The following ATP6V1C1 variants were observed in gnomAD, a reference collection of about 807,000 sequenced individuals.
ATP6V1C1 encodes the protein V-type proton ATPase subunit C 1.
ATP6V1C1 carries 45 observed loss-of-function variants against 53.9 expected under a neutral mutation model. The ratio of observed to expected loss-of-function variants is 0.83; its 90% CI spans 0.66 to 1.07. The LOEUF (loss-of-function observed/expected upper bound fraction) is 1.07, where lower values mean the gene tolerates loss of function less well. ATP6V1C1 is among the 50% of genes least tolerant of loss of function. ATP6V1C1 has a pLI of 0.00. For missense variants in ATP6V1C1, 315 were observed against 440.3 expected, an observed-to-expected ratio of 0.72 and a Z score of 2.55; for synonymous variants, 153 against 155.2, an observed-to-expected ratio of 0.99 and a Z score of 0.11.
chr8:103,021,727 G>C (rs572669014), intron 1 of ATP6V1C1, among the ~76,000 whole-genome samples: 96 of 152,210 alleles, frequency 6.3e-4, no homozygotes, highest in African/African-American at 2.2e-3. Flanking sequence ...GAGTACACAA[G>C]GTCCCTCTAG....
intron 6 of ATP6V1C1, among the ~76,000 whole-genome samples, chr8:103,053,386 C>G (rs796827146): frequency 3.9e-4 from 60 of 151,964 alleles, no homozygotes; most frequent in African/African-American, 1.4e-3. Flanking sequence ...GTGATACAAA[C>G]AGGGCAAGAC....
Position 103,064,714 on chromosome 8 carries a change from G to T in ATP6V1C1, c.829G>T (p.Gly277Ter). 6.2e-7 allele frequency: 1 copy of T among 1,605,314 alleles called. No individual in the cohort carries two copies. The highest frequency in any genetic ancestry group is 2.2e-5 in the East Asian group (1 of 44,664). ...RLSTDKKKQF[G>*]PLVRWLKVNF... ...GTGGTAATTTTTTTTCTTTTTATAG[G>T]GACCACTTGTACGGTGGCTGAAAGT... Residue 277 changes from glycine (G) to a stop codon, truncating the protein, a stop_gained and splice_region_variant, in exon 11 of 13, where the codon GGA (glycine) becomes TGA (stop). Transcript: ENST00000518738. LOFTEE classifies it high-confidence loss of function.
intron 8 of ATP6V1C1, among the ~76,000 whole-genome samples, chr8:103,062,164 T>TTG (rs1817411350): frequency 1.0e-5 from 1 of 99,324 alleles, no homozygotes; most frequent in African/African-American, 3.7e-5. Context: ...CATCAGGGTT[T>TTG]TTTTTTTTTT....
rs139836732 is a variant in ATP6V1C1, at chr8:103,030,218, A to G, written c.-40+8993A>G. Among the ~76,000 whole-genome samples the G allele has an allele frequency of 2.7e-4, 41 of 151,610 alleles. 1 individual carries two copies. In the East Asian group the frequency reaches 7.6e-3, roughly 28 times the overall value. On this transcript the variant is annotated intron_variant, in intron 1 of 12. Transcript: ENST00000518738. ...AAGCAATACATGTTCATTGTGTTCC[A>G]TTTTTCACAAACACAGTAGTACTCC...
chr8:103,041,099 A>G, intron 2 of ATP6V1C1, 131 bp downstream of exon 2: 1 of 1,063,768 alleles, frequency 9.4e-7, no homozygotes, highest in Non-Finnish European at 1.3e-6. Context: ...GGCATGATTT[A>G]AAATGTGTCT....
intron 3 of ATP6V1C1, among the ~76,000 whole-genome samples, chr8:103,047,430 GCACACACA>G (rs546475923): frequency 1.7e-4 from 18 of 104,940 alleles, no homozygotes; most frequent in Admixed American, 4.5e-4. Context: ...AAATGCGCGC[GCACACACA>G]CACACACACA....
intron 6 of ATP6V1C1, among the ~76,000 whole-genome samples, chr8:103,053,254 A>T (rs1817231438): frequency 6.6e-6 from 1 of 151,952 alleles, no homozygotes; most frequent in Non-Finnish European, 1.5e-5. Context: ...GTTTTTTAAA[A>T]TAGGACTGAA....
chr8:103,026,862 G>C (rs145393638), intron 1 of ATP6V1C1, among the ~76,000 whole-genome samples: 2 of 152,224 alleles, frequency 1.3e-5, no homozygotes, highest in East Asian at 3.9e-4. Flanking sequence ...ATCTCATTTC[G>C]TATGAATCAT....
At chr8:103,024,740 C>T (rs1427807798) in intron 1 of ATP6V1C1, among the ~76,000 whole-genome samples, 1 of 152,180 alleles carries the variant, frequency 6.6e-6, no homozygotes, top group Non-Finnish European at 1.5e-5. Context: ...AGGCAGTGAA[C>T]CAAGGCAGTC....
intron 3 of ATP6V1C1, among the ~76,000 whole-genome samples, chr8:103,042,886 T>A (rs1382791055): frequency 6.6e-6 from 1 of 152,256 alleles, no homozygotes; most frequent in Admixed American, 6.5e-5. Flanking sequence ...TTGCTTAGCA[T>A]AATGTTTTGA....
At chr8:103,058,641 T>C (rs556254471) in intron 8 of ATP6V1C1, among the ~76,000 whole-genome samples, 1 of 152,352 alleles carries the variant, frequency 6.6e-6, no homozygotes, top group Non-Finnish European at 1.5e-5. Flanking sequence ...GAGTGATTAT[T>C]GTTGGGAGCA....
rs914253672 is a variant in ATP6V1C1, at chr8:103,072,470, A to G, written c.*3723A>G. ...GTGATTATCTTCTTCTGTTAATGTCAATAAAAGATGGTTTGTCCTAGAAGG... is the reference window on the plus strand; with the variant it reads ...GTGATTATCTTCTTCTGTTAATGTCGATAAAAGATGGTTTGTCCTAGAAGG... On this transcript the variant is annotated 3_prime_UTR_variant, in exon 13 of 13. Transcript: ENST00000518738. 2.0e-5 allele frequency: 3 copies of G among 152,258 alleles called. No individual in the cohort carries two copies. The highest frequency in any genetic ancestry group is 7.2e-5 in the African/African-American group (3 of 41,470). The allele number at this position is 152,258 out of a possible 1,614,324, so 9.4% of individuals were successfully genotyped here. A position where few individuals can be genotyped will look rare whatever the true frequency, so the allele number is the denominator to read the frequency against.
rs1817149840 is a variant in ATP6V1C1 at position 103,048,834 on chromosome 8, T to A, written c.201-36T>A. 3 of 1,559,954 alleles carry A rather than the reference T, an allele frequency of 1.9e-6. No individual in the cohort carries two copies. The African/African-American group carries it at 4.1e-5, about 21-fold the overall frequency. The stretch of plus-strand genomic sequence containing the variant: ...GTATAGAATGGAATTTAGATCTTTT[T>A]CCTGAGAATGGTTGTTGATATTTTT... On this transcript the variant is annotated intron_variant, in intron 3 of 12. Transcript: ENST00000518738.
Position 103,068,777 on chromosome 8 carries a change from C to T in ATP6V1C1, c.*30C>T, listed in dbSNP as rs533505965. 2 of 1,569,996 alleles carry T rather than the reference C, an allele frequency of 1.3e-6. No individual in the cohort carries two copies. The highest frequency in any genetic ancestry group is 1.7e-5 in the Admixed American group (1 of 58,142). On this transcript the variant is annotated 3_prime_UTR_variant, in exon 13 of 13. Transcript: ENST00000518738. ...GGGCTCCTCCCCCGACAATCCTGTC[C>T]TTGTGTTTGTGTGTGCTAACAGAAA... is the stretch of plus-strand genomic sequence containing the variant.
intron 4 of ATP6V1C1, among the ~76,000 whole-genome samples, 187 bp downstream of exon 4, chr8:103,049,142 A>G (rs1323392118): frequency 3.3e-5 from 5 of 152,226 alleles, no homozygotes; most frequent in Non-Finnish European, 7.4e-5. Context: ...CTGAAACATA[A>G]TCTCATAGAA....
At chr8:103,035,107 G>C (rs1816868635) in intron 1 of ATP6V1C1, among the ~76,000 whole-genome samples, 1 of 152,144 alleles carries the variant, frequency 6.6e-6, no homozygotes, top group Non-Finnish European at 1.5e-5. Flanking sequence ...CTGAAGTACA[G>C]ATAGGTTCTT....
At chr8:103,054,981 G>GA (rs1219065271) in intron 7 of ATP6V1C1, among the ~76,000 whole-genome samples, 1 of 151,978 alleles carries the variant, frequency 6.6e-6, no homozygotes, top group African/African-American at 2.4e-5. Context: ...CAGTATGCTA[G>GA]AAAAAATTTT....
In ATP6V1C1 at chr8:103,063,162, TGAA is replaced by T; in HGVS notation, c.765_767del (p.Glu257del). The T allele has an allele frequency of 6.2e-7, 1 of 1,613,298 alleles. No homozygotes were observed. Among genetic ancestry groups the T allele is most frequent in the Non-Finnish European group, 8.5e-7 (1 of 1,179,646 alleles). ...TCATTGTTCGTGACTTCCAGTATAA[TGAA>T]GAGGAGATGAAAGCAGATAAAGAAG... On this transcript the variant is annotated inframe_deletion, in exon 10 of 13. Transcript: ENST00000518738.
At position 103,063,247 on chromosome 8, in the gene ATP6V1C1, T is replaced by C. The variant is rs1235239952; in HGVS notation, c.828+19T>C. 1.3e-6 allele frequency: 2 copies of C among 1,507,866 alleles called. No homozygotes were observed. Among genetic ancestry groups the C allele is most frequent in the South Asian group, 1.2e-5 (1 of 85,774 alleles). 93.4% of individuals were successfully genotyped at this position (1,507,866 alleles called of 1,614,324 possible). Reference sequence around the variant, plus strand: ...ACAATTTGTATGTGTTTTTAATATTTAGTATTATCAGTACTAAGCAGAAGA... The same window carrying C: ...ACAATTTGTATGTGTTTTTAATATTCAGTATTATCAGTACTAAGCAGAAGA... On this transcript the variant is annotated intron_variant, in intron 10 of 12. Transcript: ENST00000518738.
Sources: gnomAD v4.1 joint callset for allele counts (sites outside exome capture counted in the v4.1 genomes callset) on GRCh38, gnomAD v4.1.1 for gene constraint, MANE v1.5 for transcripts, NCBI Gene and HGNC (gene_info 2026-07-23, HGNC 2026-07-21) for gene names.